EVC2: variants seen among roughly 807,000 people sequenced by gnomAD.
EVC2 encodes the protein limbin.
EVC2 carries 148 observed loss-of-function variants against 149.3 expected under a neutral mutation model. The ratio of observed to expected loss-of-function variants is 0.99; its 90% CI spans 0.87 to 1.14. The LOEUF (loss-of-function observed/expected upper bound fraction) is 1.14, where lower values mean the gene tolerates loss of function less well. Ranked by LOEUF, EVC2 falls within the 50% of genes most tolerant of loss-of-function variation. The pLI, the probability that EVC2 is intolerant of heterozygous loss-of-function variation, is 0.00. For missense variants in EVC2, 1,854 were observed against 1,627.3 expected (o/e 1.14, Z -2.40); for synonymous variants, 776 against 649.9 (o/e 1.19, Z -2.95).
In EVC2 at chr4:5,636,140, G is replaced by C. The variant is rs1264013038; in HGVS notation, c.1471-4108C>G. ...TGATTATCCCTGTCTTAAGGATGGG[G>C]AAAGGAGACCCAGGGTGACTGGGTA... On this transcript the variant is annotated intron_variant, in intron 10 of 21. Coordinates refer to ENST00000344408, the MANE Select transcript of EVC2 (RefSeq NM_147127.5). The surrounding 1 kb of genome is among the most constrained non-coding windows in gnomAD (Gnocchi z 4.6). 2.6e-5 allele frequency among the ~76,000 whole-genome samples: 4 copies of C among 152,304 alleles called. No individual in the cohort carries two copies. In the East Asian group the frequency reaches 5.8e-4, roughly 22 times the overall value.
chr4:5,579,901 A>G (rs1274730296), intron 17 of EVC2, among the ~76,000 whole-genome samples: 4 of 152,166 alleles, frequency 2.6e-5, no homozygotes, highest in African/African-American at 9.7e-5. Context: ...AACACACAGC[A>G]ATTTAAACTG....
intron 12 of EVC2, 115 bp from the exon 13 acceptor site, chr4:5,626,023 T>G: frequency 7.7e-7 from 1 of 1,290,860 alleles, no homozygotes; most frequent in Non-Finnish European, 1.1e-6. Flanking sequence ...CAGAAAATCT[T>G]TACCCTCCAG....
intron 21 of EVC2, among the ~76,000 whole-genome samples, chr4:5,543,615 G>A (rs984531031): frequency 5.9e-5 from 9 of 152,186 alleles, no homozygotes; most frequent in African/African-American, 7.2e-5. Context: ...GAGGAGAATC[G>A]GGAAAGGGGC....
Position 5,584,822 on chromosome 4 carries a change from ACT to A in EVC2, c.2856_2857del (p.Arg952SerfsTer51). ...TCCCTCCTGTGCCTCCATCCGCTGC[ACT>A]CTCTCCCGCAGCAATTCACCTCGAA... On this transcript the variant is annotated frameshift_variant, in exon 17 of 22. Coordinates refer to ENST00000344408, the MANE Select transcript of EVC2 (RefSeq NM_147127.5). LOFTEE classifies it high-confidence loss of function. 1 of 1,613,890 alleles carries A rather than the reference ACT, an allele frequency of 6.2e-7. No homozygotes were observed. Among genetic ancestry groups the A allele is most frequent in the Non-Finnish European group, 8.5e-7 (1 of 1,179,978 alleles).
chr4:5,566,913 C>A (rs1177146290), intron 20 of EVC2, among the ~76,000 whole-genome samples: 1 of 152,254 alleles, frequency 6.6e-6, no homozygotes, highest in South Asian at 2.1e-4. Context: ...TCCGTGCACG[C>A]AGGCAGGCAG....
Position 5,576,545 on chromosome 4 carries a change from G to C in EVC2, c.3058-91C>G, listed in dbSNP as rs1722948934. The C allele has an allele frequency of 3.3e-6, 5 of 1,533,322 alleles. No homozygotes were observed. Among genetic ancestry groups the C allele is most frequent in the Non-Finnish European group, 4.4e-6 (5 of 1,145,888 alleles). 95.0% of individuals were successfully genotyped at this position (1,533,322 alleles called of 1,614,324 possible). On this transcript the variant is annotated intron_variant, in intron 17 of 21. Transcript: ENST00000344408. The surrounding 1 kb of genome is among the most constrained non-coding windows in gnomAD (Gnocchi z 4.5). The stretch of plus-strand genomic sequence containing the variant: ...TGACCTCCTGGGTGTCTTGCTACAA[G>C]TCTGGCATGACTCTGTCTTGCCTGG...
At position 5,640,455 on chromosome 4, in the gene EVC2, T is replaced by TA. The variant is rs1717238862; in HGVS notation, c.1470+58dup. ...ATGGACAGATGAGTGGGTAGATGGA[T>TA]AAATGACAAATCCCTGAGAGAAAGG... On this transcript the variant is annotated intron_variant, in intron 10 of 21. Transcript: ENST00000344408. This position sits in a 1 kb window ranked among gnomAD's most constrained non-coding sequence, Gnocchi z 4.6. The TA allele has an allele frequency of 1.2e-6, 2 of 1,605,806 alleles. No individual in the cohort carries two copies. Among genetic ancestry groups the TA allele is most frequent in the African/African-American group, 2.7e-5 (2 of 74,644 alleles).
At chr4:5,708,564 G>C, upstream of EVC2, 1 of 1,302,824 alleles carries the variant, frequency 7.7e-7, no homozygotes, top group Non-Finnish European at 1.0e-6. Context: ...CGAGTCGCTG[G>C]AGCTTCCGGA....
chr4:5,622,840 A>G lies in EVC2; in HGVS notation c.2198T>C (p.Leu733Pro). 1 of 1,614,036 alleles carries G rather than the reference A, an allele frequency of 6.2e-7. No individual in the cohort carries two copies. ...ELQERLDQAALDDLRTLTLSL... is the reference protein window; with the variant it reads ...ELQERLDQAAPDDLRTLTLSL... ...AAGGGTCAGGGTCCTGAGATCGTCC[A>G]GGGCGGCCTGGTCCAGACGCTCCTG... The change falls in exon 14 of 22, where the codon CTG becomes CCG. Residue 733 changes from leucine (L) to proline (P), a missense_variant. By Grantham distance (98) the Leu-to-Pro change is moderately conservative. Transcript: ENST00000344408. The surrounding 1 kb of genome is among the most constrained non-coding windows in gnomAD (Gnocchi z 5.8).
At chr4:5,700,724 A>C (rs537203515) in intron 1 of EVC2, among the ~76,000 whole-genome samples, 33 of 152,276 alleles carry the variant, frequency 2.2e-4, no homozygotes, top group Admixed American at 8.5e-4. Context: ...AACCGCTCCC[A>C]TAGGCACCAT....
intron 7 of EVC2, among the ~76,000 whole-genome samples, chr4:5,671,545 C>T (rs1256316515): frequency 6.6e-6 from 1 of 152,182 alleles, no homozygotes; most frequent in Admixed American, 6.5e-5. Flanking sequence ...GAGTCTTGCT[C>T]TTGTTGCCCA....
chr4:5,620,206 C>T (rs1014666830), intron 14 of EVC2, among the ~76,000 whole-genome samples: 1 of 152,192 alleles, frequency 6.6e-6, no homozygotes, highest in Non-Finnish European at 1.5e-5. Flanking sequence ...CTTGCACCTT[C>T]CCTTGTGCAA....
intron 11 of EVC2, among the ~76,000 whole-genome samples, chr4:5,631,191 C>A (rs1716503215): frequency 6.6e-6 from 1 of 152,116 alleles, no homozygotes; most frequent in Non-Finnish European, 1.5e-5. Context: ...AGATACTAAA[C>A]CCTACATATA....
chr4:5,646,912 G>A (rs1277593713), intron 9 of EVC2, among the ~76,000 whole-genome samples: 1 of 152,182 alleles, frequency 6.6e-6, no homozygotes, highest in African/African-American at 2.4e-5. Context: ...ACCTAACAGG[G>A]ATGCCATACT....
chr4:5,558,254 CACACAAATATAGTTA>C (rs1209455496), downstream of EVC2, among the ~76,000 whole-genome samples: 1 of 152,128 alleles, frequency 6.6e-6, no homozygotes, highest in Non-Finnish European at 1.5e-5. Flanking sequence ...GAAATAGACC[CACACAAATATAGTTA>C]ACTGACCTTT....
chr4:5,565,192 C>T, intron 21 of EVC2, 66 bp downstream of exon 21: 1 of 1,513,322 alleles, frequency 6.6e-7, no homozygotes, highest in Non-Finnish European at 9.2e-7. Flanking sequence ...CCTGCCTCCC[C>T]AGCCTGGCCC....
chr4:5,647,577 T>C (rs904546939), intron 9 of EVC2, among the ~76,000 whole-genome samples: 2 of 152,128 alleles, frequency 1.3e-5, no homozygotes, highest in Non-Finnish European at 2.9e-5. Flanking sequence ...CTCAAAGCAG[T>C]GTGTGTATGG....
rs148113354 is a variant in EVC2, at chr4:5,636,588, T to C, written c.1470+3926A>G. ...TATACAGGAGCATTTGTGTAGGTTA[T>C]GTGCAAATACGACACCATTTTATAA... On this transcript the variant is annotated intron_variant, in intron 10 of 21. Coordinates refer to ENST00000344408, the MANE Select transcript of EVC2 (RefSeq NM_147127.5). This position sits in a 1 kb window ranked among gnomAD's most constrained non-coding sequence, Gnocchi z 4.6. 1.3e-5 allele frequency among the ~76,000 whole-genome samples: 2 copies of C among 152,208 alleles called. No homozygotes were observed. Among genetic ancestry groups the C allele is most frequent in the Middle Eastern group, 3.2e-3 (1 of 316 alleles).
In EVC2 at chr4:5,662,709, T is replaced by G. The variant is rs548844748; in HGVS notation, c.1145+398A>C. ...TTAAATATAATTATTAAAATAATAA[T>G]TATTCAATAATTATCCAATAATTAT... is the stretch of plus-strand genomic sequence containing the variant. On this transcript the variant is annotated intron_variant, in intron 9 of 21. Coordinates refer to ENST00000344408, the MANE Select transcript of EVC2 (RefSeq NM_147127.5). 3.1e-3 allele frequency among the ~76,000 whole-genome samples: 457 copies of G among 147,914 alleles called. 8 individuals carry two copies. Among genetic ancestry groups the G allele is most frequent in the Non-Finnish European group, 4.1e-3 (277 of 67,258 alleles).
Sources: allele counts gnomAD v4.1 joint callset (sites outside exome capture counted in the v4.1 genomes callset), GRCh38; gene constraint gnomAD v4.1.1; non-coding constraint Gnocchi (gnomAD v3.1); transcripts MANE v1.5; gene names NCBI Gene and HGNC (gene_info 2026-07-23, HGNC 2026-07-21).